The following PCDHGA10 variants were observed in gnomAD, a reference collection of about 807,000 sequenced individuals.
The protein encoded by PCDHGA10 is protocadherin gamma subfamily A, 10.
Under a neutral mutation model 59.5 loss-of-function variants are expected in PCDHGA10, and 42 were observed. The observed-to-expected ratio is 0.71, with a 90% CI of 0.55 to 0.91. The LOEUF is 0.91. PCDHGA10 is among the 40% of genes least tolerant of loss of function. The pLI, the probability that PCDHGA10 is intolerant of heterozygous loss-of-function variation, is 0.00. For synonymous variants in PCDHGA10, 511 were observed against 517.2 expected, an observed-to-expected ratio of 0.99 and a Z score of 0.16; for missense variants, 1,111 against 1,198.2, an observed-to-expected ratio of 0.93 and a Z score of 1.07.
At chr5:141,451,365 G>A (rs557753113) in intron 1 of PCDHGA10, among the ~76,000 whole-genome samples, 2 of 152,234 alleles carry the variant, frequency 1.3e-5, no homozygotes, top group South Asian at 4.1e-4. Context: ...GGATGGATCC[G>A]CTTCTAATCT....
rs2099383865 is a variant in PCDHGA10, at chr5:141,476,005, A to G, written c.2437-18802A>G. 1 of 1,267,576 alleles carries G rather than the reference A, an allele frequency of 7.9e-7. No homozygotes were observed. Among genetic ancestry groups the G allele is most frequent in the East Asian group, 2.3e-5 (1 of 42,864 alleles). 78.5% of individuals were successfully genotyped at this position (1,267,576 alleles called of 1,614,324 possible). A position where few individuals can be genotyped will look rare whatever the true frequency, so the allele number is the denominator to read the frequency against. ...CGGCGAGCAAATCAACGGCATCCAG[A>G]AAGCCATGTCGGACTCGGCGCCCAG... On this transcript the variant is annotated intron_variant, in intron 1 of 3. Coordinates refer to ENST00000398610, the MANE Select transcript of PCDHGA10 (RefSeq NM_018913.3). This position sits in a 1 kb window ranked among gnomAD's most constrained non-coding sequence, Gnocchi z 7.6.
chr5:141,482,041 T>C (rs1443886481), intron 1 of PCDHGA10, among the ~76,000 whole-genome samples: 2 of 150,190 alleles, frequency 1.3e-5, no homozygotes, highest in Non-Finnish European at 2.9e-5. Context: ...GCCAAGATCA[T>C]GCTGTTGCAT....
chr5:141,419,794 T>G, intron 1 of PCDHGA10: 1 of 1,614,048 alleles, frequency 6.2e-7, no homozygotes, highest in Non-Finnish European at 8.5e-7. Flanking sequence ...TGCTAGTCGC[T>G]GTAAGAGATG....
At position 141,431,387 on chromosome 5, in the gene PCDHGA10, C is replaced by T; in HGVS notation, c.2436+15776C>T. The T allele has an allele frequency of 1.9e-6, 3 of 1,613,938 alleles. 1 individual carries two copies. The South Asian group carries it at 3.3e-5, about 18-fold the overall frequency. Reference sequence around the variant, plus strand: ...CCGCGAAGAAAAGGCTGCTCACCACCTGGTCCTTACGGCCTCCGACGGGGG... The same window carrying T: ...CCGCGAAGAAAAGGCTGCTCACCACTTGGTCCTTACGGCCTCCGACGGGGG... On this transcript the variant is annotated intron_variant, in intron 1 of 3. Coordinates refer to ENST00000398610, the MANE Select transcript of PCDHGA10 (RefSeq NM_018913.3). This position sits in a 1 kb window ranked among gnomAD's most constrained non-coding sequence, Gnocchi z 4.8.
chr5:141,421,902 C>A (rs1218675162), intron 1 of PCDHGA10: 1 of 1,613,706 alleles, frequency 6.2e-7, no homozygotes, highest in East Asian at 2.2e-5. Context: ...TCCGAAAGGG[C>A]GCAGTTCCCA....
In PCDHGA10 at chr5:141,491,807, G is replaced by A; in HGVS notation, c.2437-3000G>A. On this transcript the variant is annotated intron_variant, in intron 1 of 3. Transcript: ENST00000398610. The surrounding 1 kb of genome is among the most constrained non-coding windows in gnomAD (Gnocchi z 6.9). ...CATCCACTCCTCTCCGGCCGGCTTG[G>A]TCGCTGGCTGCGCTCCACCCGATTC... is the stretch of plus-strand genomic sequence containing the variant. 1 of 1,491,112 alleles carries A rather than the reference G, an allele frequency of 6.7e-7. No homozygotes were observed. The highest frequency in any genetic ancestry group is 1.4e-5 in the South Asian group (1 of 73,752). The allele number at this position is 1,491,112 out of a possible 1,614,324, so 92.4% of individuals were successfully genotyped here. A position where few individuals can be genotyped will look rare whatever the true frequency, so the allele number is the denominator to read the frequency against.
rs770619389 is a variant in PCDHGA10 at position 141,490,764 on chromosome 5, T to C, written c.2437-4043T>C. On this transcript the variant is annotated intron_variant, in intron 1 of 3. Coordinates refer to ENST00000398610, the MANE Select transcript of PCDHGA10 (RefSeq NM_018913.3). The surrounding 1 kb of genome is among the most constrained non-coding windows in gnomAD (Gnocchi z 5.4). ...GAGCCCCAGCCTCCTCCTTTGTGTA[T>C]GTCAACCCAGAGGATGGACGGATCT... is the stretch of plus-strand genomic sequence containing the variant. 22 of 1,613,970 alleles carry C rather than the reference T, an allele frequency of 1.4e-5. No individual in the cohort carries two copies. Among genetic ancestry groups the C allele is most frequent in the Non-Finnish European group, 1.6e-5 (19 of 1,179,928 alleles).
chr5:141,486,644 T>G lies in PCDHGA10; in HGVS notation c.2437-8163T>G, dbSNP rs765487821. ...AGACTCTGGCTTGAATGCGCTTATC[T>G]CCTACTCACTCCTGGAGCCCAGGAA... On this transcript the variant is annotated intron_variant, in intron 1 of 3. Transcript: ENST00000398610. This position sits in a 1 kb window ranked among gnomAD's most constrained non-coding sequence, Gnocchi z 5.0. 9.3e-6 allele frequency: 15 copies of G among 1,613,722 alleles called. 2 individuals carry two copies. The Middle Eastern group carries it at 6.6e-4, about 71-fold the overall frequency.
chr5:141,415,764 T>G lies in PCDHGA10; in HGVS notation c.2436+153T>G, dbSNP rs1158166352. The G allele has an allele frequency of 5.0e-6, 7 of 1,391,674 alleles. No homozygotes were observed. The African/African-American group carries it at 7.5e-5, about 15-fold the overall frequency. 86.2% of individuals were successfully genotyped at this position (1,391,674 alleles called of 1,614,324 possible). Reference sequence around the variant, plus strand: ...GGTTTTTTTTTTTTTTTTTTTTTTTTTTTTTTTTACTTTCTGGTAAAATTC... The same window carrying G: ...GGTTTTTTTTTTTTTTTTTTTTTTTGTTTTTTTTACTTTCTGGTAAAATTC... On this transcript the variant is annotated intron_variant, in intron 1 of 3. Coordinates refer to ENST00000398610, the MANE Select transcript of PCDHGA10 (RefSeq NM_018913.3).
chr5:141,426,887 G>A (rs1309180455), intron 1 of PCDHGA10: 1 of 456,646 alleles, frequency 2.2e-6, no homozygotes, highest in Non-Finnish European at 4.4e-6. Context: ...TGGGCCAGGA[G>A]CAACAGAGCT....
chr5:141,460,498 T>C (rs1028506755), intron 1 of PCDHGA10, among the ~76,000 whole-genome samples: 3 of 152,184 alleles, frequency 2.0e-5, no homozygotes, highest in African/African-American at 7.2e-5. Context: ...TGGAAAAATA[T>C]GCTGAGAAGG....
At chr5:141,418,940 C>G in intron 1 of PCDHGA10, 9 of 1,614,012 alleles carry the variant, frequency 5.6e-6, no homozygotes, top group Non-Finnish European at 6.8e-6. Context: ...GGAGGATTCC[C>G]CTCCAGGAGT....
At position 141,490,960 on chromosome 5, in the gene PCDHGA10, T is replaced by G. The variant is rs1384140919; in HGVS notation, c.2437-3847T>G. 1.9e-6 allele frequency: 3 copies of G among 1,613,794 alleles called. No individual in the cohort carries two copies. In the Admixed American group the frequency reaches 5.0e-5, roughly 27 times the overall value. On this transcript the variant is annotated intron_variant, in intron 1 of 3. Transcript: ENST00000398610. The surrounding 1 kb of genome is among the most constrained non-coding windows in gnomAD (Gnocchi z 5.4). ...GCACCCACGGCCAGACTGGGAACAC[T>G]CAGCCCCCCAGCGTCTCCCTCGCTC...
At position 141,489,774 on chromosome 5, in the gene PCDHGA10, C is replaced by T; in HGVS notation, c.2437-5033C>T. The T allele has an allele frequency of 1.2e-6, 2 of 1,614,164 alleles. No homozygotes were observed. Among genetic ancestry groups the T allele is most frequent in the Non-Finnish European group, 8.5e-7 (1 of 1,179,998 alleles). On this transcript the variant is annotated intron_variant, in intron 1 of 3. Transcript: ENST00000398610. The surrounding 1 kb of genome is among the most constrained non-coding windows in gnomAD (Gnocchi z 4.5). The stretch of plus-strand genomic sequence containing the variant: ...ACACTCTAAGCCCCAACAGCCACTT[C>T]TCTCTGAATGTGAAGACCCTAAAAG...
rs1016254258 is a variant in PCDHGA10 at position 141,489,870 on chromosome 5, G to C, written c.2437-4937G>C. ...GTGAAGCCCAGGCAAGACATCAGCT[G>C]GTGCTTACTGCTGTGGATGGGGGGA... On this transcript the variant is annotated intron_variant, in intron 1 of 3. Transcript: ENST00000398610. The surrounding 1 kb of genome is among the most constrained non-coding windows in gnomAD (Gnocchi z 4.5). The C allele has an allele frequency of 2.0e-5, 32 of 1,614,102 alleles. No homozygotes were observed. Among genetic ancestry groups the C allele is most frequent in the African/African-American group, 4.0e-5 (3 of 74,944 alleles).
Position 141,511,089 on chromosome 5 carries a change from C to T in PCDHGA10, c.2727C>T (p.Thr909=). The change falls in exon 4 of 4, where the codon ACC becomes ACT. Residue 909 remains threonine (T), a synonymous_variant. Transcript: ENST00000398610. ...TCCCAGGCAGCAATGCCACACTGAC[C>T]AACGCAGCTGGCAAGCGGGATGGCA... is the stretch of plus-strand genomic sequence containing the variant. ...VYIPGSNATL[T]NAAGKRDGKA... 1 of 1,614,212 alleles carries T rather than the reference C, an allele frequency of 6.2e-7. No individual in the cohort carries two copies. Among genetic ancestry groups the T allele is most frequent in the Non-Finnish European group, 8.5e-7 (1 of 1,180,026 alleles).
chr5:141,431,450 A>T lies in PCDHGA10; in HGVS notation c.2436+15839A>T, dbSNP rs1468567743. 1 of 1,613,740 alleles carries T rather than the reference A, an allele frequency of 6.2e-7. No homozygotes were observed. Among genetic ancestry groups the T allele is most frequent in the Admixed American group, 1.7e-5 (1 of 60,032 alleles). ...CACAGGCACCGCGCGCATCCGCGTG[A>T]TGGTTCTGGATGCGAACGACAACGC... On this transcript the variant is annotated intron_variant, in intron 1 of 3. Transcript: ENST00000398610. This position sits in a 1 kb window ranked among gnomAD's most constrained non-coding sequence, Gnocchi z 4.8.
At chr5:141,463,438 CTTTTTTTTTTTTT>C (rs71576115) in intron 1 of PCDHGA10, among the ~76,000 whole-genome samples, 4 of 103,254 alleles carry the variant, frequency 3.9e-5, no homozygotes, top group South Asian at 3.2e-4. Flanking sequence ...TTTCCTTCTC[CTTTTTTTTTTTTT>C]TTTTTTTTTT....
chr5:141,422,546 G>T, intron 1 of PCDHGA10: 2 of 1,613,972 alleles, frequency 1.2e-6, no homozygotes, highest in South Asian at 2.2e-5. Flanking sequence ...ACTCATGTCT[G>T]GCTGAATGTG....
Sources: gnomAD v4.1 joint callset for allele counts (sites outside exome capture counted in the v4.1 genomes callset) on GRCh38, gnomAD v4.1.1 for gene constraint, Gnocchi (gnomAD v3.1) non-coding constraint, MANE v1.5 for transcripts, NCBI Gene and HGNC (gene_info 2026-07-23, HGNC 2026-07-21) for gene names.